Variants in BLOC1S6 observed in about 807,000 individuals in gnomAD.
The protein encoded by BLOC1S6 is biogenesis of lysosome-related organelles complex 1 subunit 6.
Under a neutral mutation model 24.7 loss-of-function variants are expected in BLOC1S6, and 24 were observed. The observed-to-expected ratio is 0.97, with a 90% confidence interval of 0.70 to 1.37. BLOC1S6 has a LOEUF of 1.37. BLOC1S6 is among the 40% of genes most tolerant of loss of function. BLOC1S6 has a pLI of 0.00. For synonymous variants in BLOC1S6, 76 were observed against 72.6 expected, an observed-to-expected ratio of 1.05 and a Z score of -0.23; for missense variants, 175 against 196.2, an observed-to-expected ratio of 0.89 and a Z score of 0.64.
At chr15:45,592,303 A>G (rs1292026415) in intron 2 of BLOC1S6, 27 bp downstream of exon 2, 2 of 1,611,720 alleles carry the variant, frequency 1.2e-6, no homozygotes, top group South Asian at 2.2e-5. Context: ...CCAGATATAC[A>G]CTCATTTCCT....
Position 45,607,266 on chromosome 15 carries a change from T to TA in BLOC1S6, c.*753dup, listed in dbSNP as rs1382333434. On this transcript the variant is annotated 3_prime_UTR_variant, in exon 5 of 5. Coordinates refer to ENST00000220531, the MANE Select transcript of BLOC1S6 (RefSeq NM_012388.4). ...TAGTTCAGGTGAGCAAGATGCCAGA[T>TA]AGTTTCTACTAACCATATACTCTTT... 2.0e-5 allele frequency: 3 copies of TA among 152,262 alleles called. No homozygotes were observed. Among genetic ancestry groups the TA allele is most frequent in the Non-Finnish European group, 4.4e-5 (3 of 68,072 alleles). 9.4% of individuals were successfully genotyped at this position (152,262 alleles called of 1,614,324 possible).
At chr15:45,605,572 TG>T (rs1357825853) in intron 4 of BLOC1S6, 58 bp downstream of exon 4, 83 of 1,296,260 alleles carry the variant, frequency 6.4e-5, no homozygotes, top group South Asian at 2.8e-4. Flanking sequence ...TGTTTTTTGT[TG>T]TTTTTTTTTT....
At chr15:45,600,585 G>A (rs1454928197) in intron 2 of BLOC1S6, among the ~76,000 whole-genome samples, 3 of 152,172 alleles carry the variant, frequency 2.0e-5, no homozygotes, top group Non-Finnish European at 4.4e-5. Context: ...TCTTTAGCCT[G>A]TTGATGTGGT....
intron 3 of BLOC1S6, 79 bp downstream of exon 3, chr15:45,603,266 A>AT (rs1466304752): frequency 2.3e-6 from 2 of 884,536 alleles, no homozygotes; most frequent in Non-Finnish European, 3.6e-6. Flanking sequence ...AATAGCTAAG[A>AT]TTTTAAGCTT....
intron 3 of BLOC1S6, among the ~76,000 whole-genome samples, chr15:45,604,518 G>A (rs528335584): frequency 4.6e-5 from 7 of 152,152 alleles, no homozygotes; most frequent in Non-Finnish European, 8.8e-5. Flanking sequence ...CCAAGCAGAT[G>A]TAATACTGTT....
At chr15:45,594,730 C>T (rs952455330) in intron 2 of BLOC1S6, among the ~76,000 whole-genome samples, 6 of 151,988 alleles carry the variant, frequency 3.9e-5, no homozygotes, top group Admixed American at 1.3e-4. Context: ...ATTACAAGCG[C>T]GCACCACTCC....
chr15:45,596,597 T>C (rs1021914525), intron 2 of BLOC1S6, among the ~76,000 whole-genome samples: 2 of 152,218 alleles, frequency 1.3e-5, no homozygotes, highest in Non-Finnish European at 2.9e-5. Context: ...TAATAAGGGT[T>C]TTCTATTCTG....
At chr15:45,602,715 AT>A (rs956575666) in intron 2 of BLOC1S6, among the ~76,000 whole-genome samples, 3 of 152,200 alleles carry the variant, frequency 2.0e-5, no homozygotes, top group Non-Finnish European at 4.4e-5. Flanking sequence ...CTGAAAAACC[AT>A]TGTTCCTCAT....
At chr15:45,589,317 CTG>C (rs1371036379) in intron 1 of BLOC1S6, among the ~76,000 whole-genome samples, 1 of 152,192 alleles carries the variant, frequency 6.6e-6, no homozygotes, top group Non-Finnish European at 1.5e-5. Context: ...CTGGAAGGCT[CTG>C]TGAGAAACTC....
chr15:45,603,155 G>T lies in BLOC1S6; in HGVS notation c.280G>T (p.Glu94Ter). 3 of 1,609,926 alleles carry T rather than the reference G, an allele frequency of 1.9e-6. No individual in the cohort carries two copies. Among genetic ancestry groups the T allele is most frequent in the South Asian group, 1.1e-5 (1 of 90,912 alleles). ...GGAACAAGAGATTTCAAAATTTAAA[G>T]AATGTCATTCTATGTTGGATATTAA... ...TLEQEISKFK[E>*]CHSMLDINAL... Residue 94 changes from glutamate to a stop codon, truncating the protein, a stop_gained, in exon 3 of 5, where the codon GAA (glutamate) becomes TAA (stop). Coordinates refer to ENST00000220531, the MANE Select transcript of BLOC1S6 (RefSeq NM_012388.4). LOFTEE classifies it high-confidence loss of function.
chr15:45,591,934 C>G (rs1893900747), intron 1 of BLOC1S6: 1 of 583,884 alleles, frequency 1.7e-6, no homozygotes, highest in African/African-American at 1.9e-5. Context: ...TCCTTTCTAC[C>G]TGCTACTCCC....
upstream of BLOC1S6, chr15:45,587,222 C>T (rs551688657): frequency 4.9e-6 from 3 of 610,538 alleles, no homozygotes; most frequent in Admixed American, 7.7e-5. Flanking sequence ...TCCGCTGACA[C>T]TGCGTCCGGG....
At chr15:45,596,197 A>ATTG (rs371106987) in intron 2 of BLOC1S6, among the ~76,000 whole-genome samples, 13 of 151,552 alleles carry the variant, frequency 8.6e-5, no homozygotes, top group Admixed American at 3.3e-4. Context: ...AGCACCATTT[A>ATTG]TTGTTGTTGT....
upstream of BLOC1S6, chr15:45,587,221 A>G (rs1893702497): frequency 1.6e-6 from 1 of 609,246 alleles, no homozygotes; most frequent in Non-Finnish European, 3.0e-6. Flanking sequence ...GTCCGCTGAC[A>G]CTGCGTCCGG....
chr15:45,606,432 A>G lies in BLOC1S6; in HGVS notation c.437A>G (p.Glu146Gly). ...ALKLQQKRQK[E>G]ELEREQQREK... ...AAACTGCAGCAGAAGAGGCAAAAAG[A>G]AGAGTTGGAAAGGGAGCAGCAACGA... The change falls in exon 5 of 5, where the codon GAA (glutamate) becomes GGA (glycine). Residue 146 changes from glutamate to glycine, a missense_variant. Coordinates refer to ENST00000220531, the MANE Select transcript of BLOC1S6 (RefSeq NM_012388.4). 2.5e-6 allele frequency: 4 copies of G among 1,614,140 alleles called. No individual in the cohort carries two copies. The highest frequency in any genetic ancestry group is 3.4e-6 in the Non-Finnish European group (4 of 1,180,030).
intron 2 of BLOC1S6, among the ~76,000 whole-genome samples, 194 bp from the exon 3 acceptor site, chr15:45,602,904 GAC>G (rs1566904081): frequency 6.6e-6 from 1 of 152,146 alleles, no homozygotes; most frequent in African/African-American, 2.4e-5. Flanking sequence ...AAGAATAAAA[GAC>G]ACATTTAGTT....
At chr15:45,600,116 G>A (rs1291114978) in intron 2 of BLOC1S6, among the ~76,000 whole-genome samples, 3 of 140,880 alleles carry the variant, frequency 2.1e-5, no homozygotes, top group Non-Finnish European at 4.6e-5. Context: ...TCACTCATAG[G>A]TGGGAATTGA....
intron 1 of BLOC1S6, among the ~76,000 whole-genome samples, chr15:45,591,798 TAAA>T (rs569040430): frequency 1.4e-3 from 212 of 152,348 alleles, no homozygotes; most frequent in African/African-American, 5.0e-3. Context: ...AGTAGTAACT[TAAA>T]AACATTTTTT....
At chr15:45,594,098 G>A (rs1893984121) in intron 2 of BLOC1S6, among the ~76,000 whole-genome samples, 1 of 152,042 alleles carries the variant, frequency 6.6e-6, no homozygotes, top group Admixed American at 6.6e-5. Flanking sequence ...ACTGGACTGA[G>A]AGCCACCTGG....
Sources: gnomAD v4.1 joint callset for allele counts (sites outside exome capture counted in the v4.1 genomes callset) on GRCh38, gnomAD v4.1.1 for gene constraint, MANE v1.5 for transcripts, NCBI Gene and HGNC (gene_info 2026-07-23, HGNC 2026-07-21) for gene names.